Variants in LRRC2 observed in about 807,000 individuals in gnomAD.
LRRC2 encodes leucine-rich repeat-containing protein 2.
Under a neutral mutation model 40.2 loss-of-function variants are expected in LRRC2, and 27 were observed. That is an observed-to-expected ratio of 0.67 (90% confidence interval 0.49 to 0.93). The LOEUF (loss-of-function observed/expected upper bound fraction) is 0.93. LRRC2 is among the 40% of genes least tolerant of loss of function. The probability of loss-of-function intolerance (pLI) is 0.00; values close to 1 mark genes in which losing one functional copy is unlikely to be tolerated. For synonymous variants in LRRC2, 147 were observed against 158.9 expected, an observed-to-expected ratio of 0.92 and a Z score of 0.56; for missense variants, 402 against 439.6, an observed-to-expected ratio of 0.91 and a Z score of 0.76.
In LRRC2 at chr3:46,515,548, T is replaced by A. The variant is rs1703845803; in HGVS notation, c.*3466A>T. 1 of 152,210 alleles carries A rather than the reference T, an allele frequency of 6.6e-6. No individual in the cohort carries two copies. The highest frequency in any genetic ancestry group is 6.5e-5 in the Admixed American group (1 of 15,276). The allele number at this position is 152,210 out of a possible 1,614,324, so 9.4% of individuals were successfully genotyped here. On this transcript the variant is annotated 3_prime_UTR_variant, in exon 9 of 9. Transcript: ENST00000395905. ...ACAAGATATATATTCTCCTTTGGAA[T>A]CTTTCTGCACATTTATATGAATAAA... is the stretch of plus-strand genomic sequence containing the variant.
intron 4 of LRRC2, 73 bp downstream of exon 4, chr3:46,538,972 G>A: frequency 2.0e-6 from 3 of 1,493,302 alleles, no homozygotes; most frequent in Admixed American, 1.9e-5. Flanking sequence ...TGTCTGCACA[G>A]TGTCTGTCAC....
intron 6 of LRRC2, 84 bp downstream of exon 6, chr3:46,529,821 G>A: frequency 7.2e-7 from 1 of 1,385,788 alleles, no homozygotes; most frequent in Non-Finnish European, 1.0e-6. Flanking sequence ...GAACATTCAT[G>A]TACTATACAT....
Position 46,521,750 on chromosome 3 carries a change from T to C in LRRC2, c.930-92A>G, listed in dbSNP as rs35959119. On this transcript the variant is annotated intron_variant, in intron 7 of 8. Coordinates refer to ENST00000395905, the MANE Select transcript of LRRC2 (RefSeq NM_024512.5). ...ATAAAATAACCTCTGTTATCCCAAG[T>C]TCTGGCTTACCTTTAAAAGTCACAT... is the stretch of plus-strand genomic sequence containing the variant. The C allele has an allele frequency of 8.9e-4, 1,160 of 1,310,186 alleles. 14 individuals are homozygous for C. In the African/African-American group the frequency reaches 0.015, roughly 17 times the overall value. The allele number at this position is 1,310,186 out of a possible 1,614,324, so 81.2% of individuals were successfully genotyped here.
intron 1 of LRRC2, among the ~76,000 whole-genome samples, chr3:46,560,154 A>G (rs1201177394): frequency 1.3e-5 from 2 of 152,108 alleles, no homozygotes; most frequent in Non-Finnish European, 2.9e-5. Flanking sequence ...CTTAACCTAG[A>G]AGGTAGTAGT....
At chr3:46,564,143 A>C (rs1379492551) in intron 1 of LRRC2, among the ~76,000 whole-genome samples, 1 of 151,366 alleles carries the variant, frequency 6.6e-6, no homozygotes, top group Non-Finnish European at 1.5e-5. Context: ...TAGACAACAG[A>C]GGCTGAACCA....
In LRRC2 at chr3:46,515,979, A is replaced by G. The variant is rs1429116503; in HGVS notation, c.*3035T>C. ...TTTTTTTTTTTTTTTTTTTTTTTTG[A>G]GATGGAGTCTCACTCTGTTGCCCAG... On this transcript the variant is annotated 3_prime_UTR_variant, in exon 9 of 9. Coordinates refer to ENST00000395905, the MANE Select transcript of LRRC2 (RefSeq NM_024512.5). 5.9e-5 allele frequency: 4 copies of G among 67,660 alleles called. No individual in the cohort carries two copies. Among genetic ancestry groups the G allele is most frequent in the African/African-American group, 2.7e-4 (3 of 10,966 alleles). 4.2% of individuals were successfully genotyped at this position (67,660 alleles called of 1,614,324 possible). A position where few individuals can be genotyped will look rare whatever the true frequency, so the allele number is the denominator to read the frequency against.
chr3:46,556,573 TTTC>T (rs1348451844), intron 1 of LRRC2, among the ~76,000 whole-genome samples: 2 of 137,452 alleles, frequency 1.5e-5, no homozygotes, highest in African/African-American at 2.8e-5. Flanking sequence ...TCAGTCATTA[TTTC>T]TTTTTTTTTT....
At chr3:46,553,911 C>T (rs573926979) in intron 1 of LRRC2, among the ~76,000 whole-genome samples, 1 of 152,316 alleles carries the variant, frequency 6.6e-6, no homozygotes, top group South Asian at 2.1e-4. Context: ...CTCTAAAGAG[C>T]TGACAATGCT....
Position 46,544,694 on chromosome 3 carries a change from A to C in LRRC2, c.333+352T>G, listed in dbSNP as rs530218255. ...TTTGCTGCCCTTCGGCACTTCGGCA[A>C]GTAAGTAATTGCCCACTGCCAGGGC... On this transcript the variant is annotated intron_variant, in intron 3 of 8. Coordinates refer to ENST00000395905, the MANE Select transcript of LRRC2 (RefSeq NM_024512.5). 3.3e-5 allele frequency among the ~76,000 whole-genome samples: 5 copies of C among 152,338 alleles called. No individual in the cohort carries two copies. In the South Asian group the frequency reaches 1.0e-3, roughly 32 times the overall value.
chr3:46,553,941 T>A (rs17296973), intron 1 of LRRC2, among the ~76,000 whole-genome samples: 1 of 152,250 alleles, frequency 6.6e-6, no homozygotes, highest in African/African-American at 2.4e-5. Context: ...TATTCCCTTC[T>A]TTCCTTTGAT....
chr3:46,544,198 C>G (rs1386570177), intron 3 of LRRC2, among the ~76,000 whole-genome samples: 1 of 152,072 alleles, frequency 6.6e-6, no homozygotes, highest in Non-Finnish European at 1.5e-5. Flanking sequence ...CCAGCCTGGG[C>G]AACCTGGCAA....
In LRRC2 at chr3:46,551,623, T is replaced by G; in HGVS notation, c.-19-13A>C. The G allele has an allele frequency of 6.3e-7, 1 of 1,586,422 alleles. No homozygotes were observed. On this transcript the variant is annotated splice_polypyrimidine_tract_variant and intron_variant, in intron 1 of 8. Transcript: ENST00000395905. ...AGCATGAAATTACCTATTTAAAAAA[T>G]ATATAGATATGTCAGCTTGATACAC... is the stretch of plus-strand genomic sequence containing the variant.
chr3:46,520,053 A>G (rs1454738084), intron 8 of LRRC2, among the ~76,000 whole-genome samples: 1 of 151,146 alleles, frequency 6.6e-6, no homozygotes, highest in Admixed American at 6.6e-5. Flanking sequence ...ACAAATTAAA[A>G]ATCTATCATC....
rs1379459913 is a variant in LRRC2 at position 46,518,031 on chromosome 3, G to T, written c.*983C>A. On this transcript the variant is annotated 3_prime_UTR_variant, in exon 9 of 9. Coordinates refer to ENST00000395905, the MANE Select transcript of LRRC2 (RefSeq NM_024512.5). ...CCAGGGTGACCACTCAGGACTGGAT[G>T]GCCATCCATGAAGGCCACTGAAGAC... is the stretch of plus-strand genomic sequence containing the variant. 4 of 152,220 alleles carry T rather than the reference G, an allele frequency of 2.6e-5. No homozygotes were observed. The highest frequency in any genetic ancestry group is 9.7e-5 in the African/African-American group (4 of 41,436). 9.4% of individuals were successfully genotyped at this position (152,220 alleles called of 1,614,324 possible). A position where few individuals can be genotyped will look rare whatever the true frequency, so the allele number is the denominator to read the frequency against.
intron 1 of LRRC2, among the ~76,000 whole-genome samples, chr3:46,563,450 C>T (rs1029562204): frequency 1.3e-5 from 2 of 152,148 alleles, no homozygotes; most frequent in East Asian, 1.9e-4. Flanking sequence ...ATCCACCCCA[C>T]GCCTCTTCCC....
chr3:46,540,153 C>T (rs908653081), intron 3 of LRRC2, among the ~76,000 whole-genome samples: 1 of 152,128 alleles, frequency 6.6e-6, no homozygotes, highest in Non-Finnish European at 1.5e-5. Flanking sequence ...CAACCATTGC[C>T]CTCCTGTGTG....
At chr3:46,529,616 G>A (rs954512909) in intron 6 of LRRC2, among the ~76,000 whole-genome samples, 2 of 152,284 alleles carry the variant, frequency 1.3e-5, no homozygotes, top group South Asian at 4.1e-4. Flanking sequence ...TTCCACTTCT[G>A]TAGAGTGAAG....
At chr3:46,546,885 A>G (rs1704537794) in intron 2 of LRRC2, among the ~76,000 whole-genome samples, 1 of 151,966 alleles carries the variant, frequency 6.6e-6, no homozygotes, top group Non-Finnish European at 1.5e-5. Context: ...TTTATATCCC[A>G]TTATCTCCCT....
intron 4 of LRRC2, among the ~76,000 whole-genome samples, chr3:46,535,085 C>G (rs983526413): frequency 6.6e-6 from 1 of 152,160 alleles, no homozygotes; most frequent in South Asian, 2.1e-4. Context: ...TCAATACTTA[C>G]GTTTGGTAAA....
Sources: gnomAD v4.1 joint callset for allele counts (sites outside exome capture counted in the v4.1 genomes callset) on GRCh38, gnomAD v4.1.1 for gene constraint, MANE v1.5 for transcripts, NCBI Gene and HGNC (gene_info 2026-07-23, HGNC 2026-07-21) for gene names.